The following DCC variants were observed in gnomAD, a reference collection of about 807,000 sequenced individuals.
DCC encodes netrin receptor DCC.
DCC carries 58 observed loss-of-function variants against 172.5 expected under a neutral mutation model. The observed-to-expected ratio is 0.34, with a 90% CI of 0.27 to 0.42. The LOEUF is 0.42. Among genes scored for constraint, DCC ranks in the 10% least tolerant of loss-of-function variants. DCC has a pLI of 1.00. For synonymous variants in DCC, 709 were observed against 644.5 expected, an observed-to-expected ratio of 1.10 and a Z score of -1.52; for missense variants, 1,740 against 1,791.0, an observed-to-expected ratio of 0.97 and a Z score of 0.51.
Position 52,340,795 on chromosome 18 carries a change from A to G in DCC, c.8A>G (p.Asn3Ser), listed in dbSNP as rs117282798. 1.5e-4 allele frequency: 250 copies of G among 1,613,694 alleles called. 1 individual carries two copies. The East Asian group carries it at 5.1e-3, about 33-fold the overall frequency. ...GAAGGTGTTGGCTGAAATATGGAGA[A>G]TAGTCTTAGATGTGTTTGGGTACCC... The part of the protein sequence containing the change: ME[N>S]SLRCVWVPKL... Residue 3 changes from asparagine to serine, a missense_variant, in exon 1 of 29, where the codon AAT (asparagine) becomes AGT (serine). Physicochemically the swap from Asn to Ser is conservative, Grantham distance 46 (BLOSUM62 1). This residue lies in a region of DCC where 1,732 missense variants were observed against 1,767.4 expected (regional missense o/e 0.98). Coordinates refer to ENST00000442544, the MANE Select transcript of DCC (RefSeq NM_005215.4).
At chr18:53,439,814 G>C (rs1344678389) in intron 22 of DCC, among the ~76,000 whole-genome samples, 2 of 142,156 alleles carry the variant, frequency 1.4e-5, no homozygotes, top group Non-Finnish European at 1.5e-5. Flanking sequence ...GCCCAGGCTG[G>C]AGTGCAGTGG....
At chr18:53,484,425 C>T (rs1040001821) in intron 25 of DCC, among the ~76,000 whole-genome samples, 32 of 151,348 alleles carry the variant, frequency 2.1e-4, no homozygotes, top group African/African-American at 7.5e-4. Flanking sequence ...TGTGCAGAAG[C>T]TTTTTAGTCT....
At chr18:53,185,818 T>G (rs183978524) in intron 9 of DCC, among the ~76,000 whole-genome samples, 1 of 152,218 alleles carries the variant, frequency 6.6e-6, no homozygotes, top group African/African-American at 2.4e-5. Flanking sequence ...TTCATCTCCC[T>G]GAACAAAATT....
At chr18:53,107,364 T>G (rs764553608) in intron 7 of DCC, among the ~76,000 whole-genome samples, 3 of 151,802 alleles carry the variant, frequency 2.0e-5, no homozygotes, top group Non-Finnish European at 4.4e-5. Flanking sequence ...CTACTGTCTT[T>G]TATGTTCTTA....
intron 7 of DCC, among the ~76,000 whole-genome samples, chr18:53,081,641 A>G (rs2042805965): frequency 6.6e-6 from 1 of 152,030 alleles, no homozygotes; most frequent in Non-Finnish European, 1.5e-5. Flanking sequence ...GTACACAGCT[A>G]ATGTGTAAAA....
At chr18:52,856,782 C>T (rs575373981) in intron 2 of DCC, among the ~76,000 whole-genome samples, 8 of 152,186 alleles carry the variant, frequency 5.3e-5, no homozygotes, top group African/African-American at 1.9e-4. Flanking sequence ...AGCTTTGTTA[C>T]AATAGTCAGC....
At position 52,902,554 on chromosome 18, in the gene DCC, C is replaced by T. The variant is rs550684421; in HGVS notation, c.413-3490C>T. 5.9e-5 allele frequency among the ~76,000 whole-genome samples: 9 copies of T among 152,232 alleles called. No homozygotes were observed. In the South Asian group the frequency reaches 1.2e-3, roughly 21 times the overall value. On this transcript the variant is annotated intron_variant, in intron 2 of 28. Coordinates refer to ENST00000442544, the MANE Select transcript of DCC (RefSeq NM_005215.4). ...GGGAATCATTTGTATTGCATTAGAA[C>T]ATTAGATGACTTTTACGAAAATATA... is the stretch of plus-strand genomic sequence containing the variant.
At chr18:53,448,815 T>C (rs2045369875) in intron 22 of DCC, among the ~76,000 whole-genome samples, 1 of 152,176 alleles carries the variant, frequency 6.6e-6, no homozygotes, top group East Asian at 1.9e-4. Context: ...ATCATGCCAG[T>C]GCACTCCAGC....
intron 3 of DCC, among the ~76,000 whole-genome samples, chr18:52,909,084 C>CATGA (rs369407649): frequency 1.7e-3 from 264 of 152,036 alleles, no homozygotes; most frequent in African/African-American, 5.1e-3. Context: ...TGAGTGAGTG[C>CATGA]ATGAATGAAT....
intron 1 of DCC, among the ~76,000 whole-genome samples, chr18:52,348,882 A>G (rs1021279306): frequency 6.6e-6 from 1 of 152,190 alleles, no homozygotes; most frequent in Non-Finnish European, 1.5e-5. Flanking sequence ...CCATGTTAGT[A>G]TCCTGCCTTA....
At chr18:52,644,045 C>A (rs1409306463) in intron 1 of DCC, among the ~76,000 whole-genome samples, 2 of 151,642 alleles carry the variant, frequency 1.3e-5, no homozygotes, top group Non-Finnish European at 1.5e-5. Context: ...CATATGAAAT[C>A]CATATAAGGA....
At chr18:53,046,792 A>G (rs2042244565) in intron 5 of DCC, among the ~76,000 whole-genome samples, 2 of 151,920 alleles carry the variant, frequency 1.3e-5, no homozygotes, top group African/African-American at 4.8e-5. Context: ...GAAGTTACAG[A>G]AGGTATTCTG....
intron 5 of DCC, among the ~76,000 whole-genome samples, chr18:52,936,361 G>C (rs2040381964): frequency 8.2e-6 from 1 of 122,086 alleles, no homozygotes; most frequent in African/African-American, 2.8e-5. Flanking sequence ...AGTTAGAACT[G>C]GTAATGGAAA....
chr18:52,710,221 G>A (rs1472582936), intron 1 of DCC, among the ~76,000 whole-genome samples: 1 of 152,184 alleles, frequency 6.6e-6, no homozygotes, highest in Non-Finnish European at 1.5e-5. Context: ...TGATTAAAGT[G>A]CAGTATAATC....
intron 21 of DCC, among the ~76,000 whole-genome samples, chr18:53,431,574 A>G (rs1250896321): frequency 6.6e-6 from 1 of 151,322 alleles, no homozygotes; most frequent in Non-Finnish European, 1.5e-5. Context: ...TGCAACCTCT[A>G]CCTCCTGGGT....
chr18:52,824,853 C>G (rs1204223126), intron 2 of DCC, among the ~76,000 whole-genome samples: 2 of 151,924 alleles, frequency 1.3e-5, no homozygotes, highest in Non-Finnish European at 2.9e-5. Flanking sequence ...GCCTGTAATC[C>G]CAGCTACTTG....
chr18:52,669,876 A>T (rs537182825), intron 1 of DCC, among the ~76,000 whole-genome samples: 1 of 152,050 alleles, frequency 6.6e-6, no homozygotes, highest in South Asian at 2.1e-4. Flanking sequence ...AAAACAAAAA[A>T]CACAAAGTGT....
chr18:52,613,282 GTC>G (rs1435850126), intron 1 of DCC, among the ~76,000 whole-genome samples: 1 of 152,096 alleles, frequency 6.6e-6, no homozygotes, highest in Non-Finnish European at 1.5e-5. Context: ...TTGAGACAGA[GTC>G]TCTCTCTGTA....
chr18:52,575,207 AC>A (rs1374884992), intron 1 of DCC, among the ~76,000 whole-genome samples: 1 of 152,130 alleles, frequency 6.6e-6, no homozygotes, highest in Non-Finnish European at 1.5e-5. Context: ...ACATACCAGA[AC>A]CATCTTCTCT....
Sources: gnomAD v4.1 joint callset for allele counts (sites outside exome capture counted in the v4.1 genomes callset) on GRCh38, gnomAD v4.1.1 for gene constraint, gnomAD v4.1.1 regional missense constraint, MANE v1.5 for transcripts, NCBI Gene and HGNC (gene_info 2026-07-23, HGNC 2026-07-21) for gene names.